AGPAT5: variants seen among roughly 807,000 people sequenced by gnomAD.
AGPAT5 encodes 1-acylglycerol-3-phosphate O-acyltransferase 5, also known as 1-acyl-sn-glycerol-3-phosphate acyltransferase epsilon.
A neutral mutation model predicts 45.6 loss-of-function variants in AGPAT5; 46 were observed. That is an observed-to-expected ratio of 1.01 (90% CI 0.80 to 1.29). The LOEUF is 1.29. Among genes scored for constraint, AGPAT5 ranks in the 50% most tolerant of loss-of-function variants. The pLI is 0.00. For missense variants in AGPAT5, 673 were observed against 450.7 expected, an observed-to-expected ratio of 1.49 and a Z score of -4.47; for synonymous variants, 272 against 167.0, an observed-to-expected ratio of 1.63 and a Z score of -4.85.
chr8:6,716,157 C>A (rs956154707), intron 1 of AGPAT5, among the ~76,000 whole-genome samples: 5 of 152,150 alleles, frequency 3.3e-5, no homozygotes, highest in African/African-American at 1.2e-4. Flanking sequence ...ACTGATATAA[C>A]ATTAGCATAT....
chr8:6,718,357 G>A (rs1800399731), intron 1 of AGPAT5, among the ~76,000 whole-genome samples: 1 of 152,214 alleles, frequency 6.6e-6, no homozygotes, highest in African/African-American at 2.4e-5. Flanking sequence ...TCAGCTGAGA[G>A]GACGCAGCTG....
At chr8:6,709,141 G>A (rs1479681918) in intron 1 of AGPAT5, 1 of 569,278 alleles carries the variant, frequency 1.8e-6, no homozygotes, top group African/African-American at 1.9e-5. Context: ...CCCCTCGCCT[G>A]GGTCTGATGC....
At chr8:6,749,020 A>T (rs547070380) in intron 6 of AGPAT5, among the ~76,000 whole-genome samples, 68 of 152,342 alleles carry the variant, frequency 4.5e-4, no homozygotes, top group African/African-American at 1.6e-3. Context: ...GTGAGCAAGG[A>T]TAGAAATTAT....
chr8:6,716,965 G>T (rs943017181), intron 1 of AGPAT5, among the ~76,000 whole-genome samples: 3 of 152,188 alleles, frequency 2.0e-5, no homozygotes, highest in Admixed American at 1.3e-4. Flanking sequence ...GGCATAACTA[G>T]TTGATAAGTT....
intron 1 of AGPAT5, among the ~76,000 whole-genome samples, chr8:6,714,883 T>A (rs1466348033): frequency 6.6e-6 from 1 of 152,250 alleles, no homozygotes; most frequent in African/African-American, 2.4e-5. Context: ...TGTATATTTG[T>A]CTGATTTTGT....
chr8:6,747,407 C>T lies in AGPAT5; in HGVS notation c.587-263C>T, dbSNP rs1038795311. On this transcript the variant is annotated intron_variant, in intron 5 of 7. Coordinates refer to ENST00000285518, the MANE Select transcript of AGPAT5 (RefSeq NM_018361.5). ...CTTGCCGGGGTCTACTAGATTGAAG[C>T]GTTTCCGCTAGGCCATAAACTTCCA... 2.6e-5 allele frequency among the ~76,000 whole-genome samples: 4 copies of T among 152,226 alleles called. No individual in the cohort carries two copies. In the East Asian group the frequency reaches 5.8e-4, roughly 22 times the overall value.
intron 5 of AGPAT5, among the ~76,000 whole-genome samples, chr8:6,743,152 T>A (rs539084207): frequency 6.6e-6 from 1 of 152,328 alleles, no homozygotes; most frequent in African/African-American, 2.4e-5. Context: ...CTTCCTAGCC[T>A]CCTTTCCAGC....
rs1180711979 is a variant in AGPAT5 at position 6,760,973 on chromosome 8, T to C, written c.*3585T>C. Among the ~76,000 whole-genome samples the C allele has an allele frequency of 6.6e-6, 1 of 152,224 alleles. No individual in the cohort carries two copies. Among genetic ancestry groups the C allele is most frequent in the East Asian group, 1.9e-4 (1 of 5,206 alleles). On this transcript the variant is annotated 3_prime_UTR_variant, in exon 8 of 8. Coordinates refer to ENST00000285518, the MANE Select transcript of AGPAT5 (RefSeq NM_018361.5). ...GTTTAGAGTAGCTACAACTCTTCGA[T>C]ACTATCATCAATATTTGACATCTTT... is the stretch of plus-strand genomic sequence containing the variant.
At chr8:6,746,653 G>A (rs752881535) in intron 5 of AGPAT5, among the ~76,000 whole-genome samples, 2 of 152,164 alleles carry the variant, frequency 1.3e-5, no homozygotes, top group African/African-American at 2.4e-5. Flanking sequence ...AGTCAGATAC[G>A]TGCTTGTGGG....
At chr8:6,753,044 C>T (rs142619843) in intron 6 of AGPAT5, among the ~76,000 whole-genome samples, 1 of 152,088 alleles carries the variant, frequency 6.6e-6, no homozygotes, top group Non-Finnish European at 1.5e-5. Context: ...TAATAACAGC[C>T]CCTGCCTGCG....
intron 2 of AGPAT5, among the ~76,000 whole-genome samples, chr8:6,729,822 TG>T (rs1450804602): frequency 2.0e-5 from 3 of 152,230 alleles, no homozygotes; most frequent in Non-Finnish European, 4.4e-5. Flanking sequence ...TGCAACCCTT[TG>T]TTAATAACAT....
At chr8:6,751,856 A>G (rs577430283) in intron 6 of AGPAT5, among the ~76,000 whole-genome samples, 6 of 152,208 alleles carry the variant, frequency 3.9e-5, no homozygotes, top group African/African-American at 1.4e-4. Flanking sequence ...CAACATATTT[A>G]CTTTCCATTT....
At chr8:6,719,806 C>G (rs183738382) in intron 1 of AGPAT5, among the ~76,000 whole-genome samples, 16 of 152,272 alleles carry the variant, frequency 1.1e-4, no homozygotes, top group Non-Finnish European at 2.1e-4. Context: ...TGGTGGTATT[C>G]TACATGATAA....
chr8:6,734,293 T>C (rs1303992746), intron 4 of AGPAT5, among the ~76,000 whole-genome samples: 3 of 152,004 alleles, frequency 2.0e-5, no homozygotes, highest in African/African-American at 7.2e-5. Flanking sequence ...GCCCCCTCCC[T>C]TTTTTCTTTT....
rs1189744001 is a variant in AGPAT5 at position 6,714,137 on chromosome 8, A to T, written c.219+5250A>T. On this transcript the variant is annotated intron_variant, in intron 1 of 7. Transcript: ENST00000285518. Reference sequence around the variant, plus strand: ...AAAATGTTGCCCAGCGTCGTCTCTGATACCTATAGTCCTAACAAGAATATG... The same window carrying T: ...AAAATGTTGCCCAGCGTCGTCTCTGTTACCTATAGTCCTAACAAGAATATG... Among the ~76,000 whole-genome samples, 4 of 152,310 alleles carry T rather than the reference A, an allele frequency of 2.6e-5. No individual in the cohort carries two copies. In the South Asian group the frequency reaches 8.3e-4, roughly 32 times the overall value.
At chr8:6,750,206 G>C (rs1242756145) in intron 6 of AGPAT5, among the ~76,000 whole-genome samples, 1 of 152,190 alleles carries the variant, frequency 6.6e-6, no homozygotes, top group East Asian at 1.9e-4. Context: ...GTGTGTTACA[G>C]TGCTGGCACT....
At chr8:6,726,274 C>A (rs906837288) in intron 2 of AGPAT5, among the ~76,000 whole-genome samples, 2 of 152,196 alleles carry the variant, frequency 1.3e-5, no homozygotes, top group African/African-American at 4.8e-5. Flanking sequence ...AAATATCAAA[C>A]AAAAGGGATC....
At chr8:6,729,148 A>T (rs1214776770) in intron 2 of AGPAT5, among the ~76,000 whole-genome samples, 4 of 152,222 alleles carry the variant, frequency 2.6e-5, no homozygotes, top group African/African-American at 9.6e-5. Flanking sequence ...ATAATAATGG[A>T]TAAGAGATTT....
intron 1 of AGPAT5, among the ~76,000 whole-genome samples, chr8:6,711,199 C>T (rs1287541677): frequency 6.6e-6 from 1 of 152,160 alleles, no homozygotes; most frequent in Admixed American, 6.5e-5. Flanking sequence ...AATTTTTAAG[C>T]TGAAGAGAAG....
Sources: allele counts gnomAD v4.1 joint callset (sites outside exome capture counted in the v4.1 genomes callset), GRCh38; gene constraint gnomAD v4.1.1; transcripts MANE v1.5; gene names NCBI Gene and HGNC (gene_info 2026-07-23, HGNC 2026-07-21).